STAT2: variants seen among roughly 807,000 people sequenced by gnomAD.
The protein encoded by STAT2 is signal transducer and activator of transcription 2.
In STAT2, 51 loss-of-function variants were observed where a neutral mutation model predicts 122.3. The ratio of observed to expected loss-of-function variants is 0.42; its 90% CI spans 0.33 to 0.53. STAT2 has a LOEUF of 0.53. Among genes scored for constraint, STAT2 ranks in the 20% least tolerant of loss-of-function variants. The pLI, the probability that STAT2 is intolerant of heterozygous loss-of-function variation, is 0.10. For missense variants in STAT2, 736 were observed against 1,010.3 expected (o/e 0.73, Z 3.68); for synonymous variants, 351 against 394.9 (o/e 0.89, Z 1.32).
chr12:56,342,075 T>A lies in STAT2; in HGVS notation c.*1314A>T, dbSNP rs1287958835. Reference sequence around the variant, plus strand: ...ACTCTGGGAGGCCGAGGTGGACAGATCACTTGAGGTCAGGAGTTCGAGACC... The same window carrying A: ...ACTCTGGGAGGCCGAGGTGGACAGAACACTTGAGGTCAGGAGTTCGAGACC... On this transcript the variant is annotated 3_prime_UTR_variant, in exon 24 of 24. Coordinates refer to ENST00000314128, the MANE Select transcript of STAT2 (RefSeq NM_005419.4). The A allele has an allele frequency of 2.0e-5, 3 of 151,958 alleles. No homozygotes were observed. The highest frequency in any genetic ancestry group is 4.4e-5 in the Non-Finnish European group (3 of 68,040). 9.4% of individuals were successfully genotyped at this position (151,958 alleles called of 1,614,324 possible). A position where few individuals can be genotyped will look rare whatever the true frequency, so the allele number is the denominator to read the frequency against.
rs2136027894 is a variant in STAT2, at chr12:56,341,865, ACAAC to A, written c.*1520_*1523del. ...ACAGACTTGGACTTTGTCCAGGTCC[ACAAC>A]CAACGAATAGAAACCTTCCTTTCAG... On this transcript the variant is annotated 3_prime_UTR_variant, in exon 24 of 24. Transcript: ENST00000314128. 6.6e-6 allele frequency: 1 copy of A among 152,370 alleles called. No homozygotes were observed. The highest frequency in any genetic ancestry group is 1.9e-4 in the East Asian group (1 of 5,188). The allele number at this position is 152,370 out of a possible 1,614,324, so 9.4% of individuals were successfully genotyped here. A position where few individuals can be genotyped will look rare whatever the true frequency, so the allele number is the denominator to read the frequency against.
chr12:56,344,128 C>T lies in STAT2; in HGVS notation c.2110G>A (p.Asp704Asn), dbSNP rs2136034212. The stretch of plus-strand genomic sequence containing the variant: ...AGCTCCAGCGGTTGTTGCAGTTCAT[C>T]CACCTGTCTGGATACCCAAAGACAG... ...RLIVVSNRQV[D>N]ELQQPLELKP... is the part of the protein sequence containing the mutation. The change falls in exon 23 of 24, where the codon GAT becomes AAT. Residue 704 changes from aspartate (D) to asparagine (N), a missense_variant. Asp to Asn is a conservative substitution (Grantham distance 23). Coordinates refer to ENST00000314128, the MANE Select transcript of STAT2 (RefSeq NM_005419.4). 6.4e-7 allele frequency: 1 copy of T among 1,553,512 alleles called. No homozygotes were observed. Among genetic ancestry groups the T allele is most frequent in the Non-Finnish European group, 8.7e-7 (1 of 1,146,806 alleles).
At chr12:56,358,333 C>T (rs1277044632) in intron 1 of STAT2, among the ~76,000 whole-genome samples, 1 of 151,222 alleles carries the variant, frequency 6.6e-6, no homozygotes, top group Non-Finnish European at 1.5e-5. Flanking sequence ...GCAAACTCTG[C>T]CTCCCGAGTT....
intron 1 of STAT2, among the ~76,000 whole-genome samples, 173 bp downstream of exon 1, chr12:56,359,885 A>C (rs1565663587): frequency 6.6e-6 from 1 of 152,078 alleles, no homozygotes; most frequent in African/African-American, 2.4e-5. Flanking sequence ...GGTTAGGGAG[A>C]TAGGCTGGAC....
rs1391401672 is a variant in STAT2, at chr12:56,346,828, G to A, written c.1852C>T (p.Gln618Ter). The change falls in exon 20 of 24, where the codon CAG becomes TAG. Residue 618 changes from glutamine (Q) to a stop codon, truncating the protein, a stop_gained. Transcript: ENST00000314128. LOFTEE classifies it high-confidence loss of function. ...GGITCSWVEH[Q>*]DDDKVLIYSV... The stretch of plus-strand genomic sequence containing the variant: ...GGGCAGAGCAGCTGACCATCATCCT[G>A]GTGCTCCACCCAGGAGCAGGTAATG... 3 of 1,614,064 alleles carry A rather than the reference G, an allele frequency of 1.9e-6. No homozygotes were observed. The African/African-American group carries it at 4.0e-5, about 22-fold the overall frequency.
At chr12:56,354,006 A>ATAT (rs1878995870) in intron 8 of STAT2, among the ~76,000 whole-genome samples, 1 of 22,006 alleles carries the variant, frequency 4.5e-5, no homozygotes. Flanking sequence ...AAAAAAAAAA[A>ATAT]AAAAAAAAAA....
At chr12:56,350,025 G>A (rs1878200969) in intron 13 of STAT2, 72 bp downstream of exon 13, 12 of 1,379,324 alleles carry the variant, frequency 8.7e-6, no homozygotes, top group Non-Finnish European at 1.2e-5. Context: ...CTCCAGCCTG[G>A]GGGACAGAGT....
chr12:56,344,962 C>G (rs1360845685), intron 22 of STAT2, among the ~76,000 whole-genome samples: 1 of 141,310 alleles, frequency 7.1e-6, no homozygotes, highest in Admixed American at 7.0e-5. Flanking sequence ...GAGCTGAGAT[C>G]GTGCCACTGC....
chr12:56,345,915 A>C (rs1040986256), intron 22 of STAT2, among the ~76,000 whole-genome samples: 5 of 151,928 alleles, frequency 3.3e-5, no homozygotes, highest in African/African-American at 1.2e-4. Flanking sequence ...GAGATAGGAG[A>C]GACTAGAACC....
chr12:56,354,384 G>A, intron 8 of STAT2, 82 bp downstream of exon 8: 3 of 1,587,492 alleles, frequency 1.9e-6, no homozygotes, highest in Non-Finnish European at 1.7e-6. Flanking sequence ...ATAGAGAACA[G>A]TATCTCTTGC....
Position 56,344,123 on chromosome 12 carries a change from T to C in STAT2, c.2115A>G (p.Glu705=). 4 of 1,555,296 alleles carry C rather than the reference T, an allele frequency of 2.6e-6. No homozygotes were observed. Among genetic ancestry groups the C allele is most frequent in the Non-Finnish European group, 3.5e-6 (4 of 1,147,906 alleles). The part of the protein sequence containing the change: ...LIVVSNRQVD[E]LQQPLELKPE... Reference sequence around the variant, plus strand: ...GCTTAAGCTCCAGCGGTTGTTGCAGTTCATCCACCTGTCTGGATACCCAAA... The same window carrying C: ...GCTTAAGCTCCAGCGGTTGTTGCAGCTCATCCACCTGTCTGGATACCCAAA... The change falls in exon 23 of 24, where the codon GAA becomes GAG. Residue 705 remains glutamate, a synonymous_variant. Transcript: ENST00000314128.
rs555379910 is a variant in STAT2 at position 56,341,678 on chromosome 12, A to G, written c.*1711T>C. 6.6e-6 allele frequency: 1 copy of G among 152,350 alleles called. No homozygotes were observed. Among genetic ancestry groups the G allele is most frequent in the African/African-American group, 2.4e-5 (1 of 41,580 alleles). The allele number at this position is 152,350 out of a possible 1,614,324, so 9.4% of individuals were successfully genotyped here. A position where few individuals can be genotyped will look rare whatever the true frequency, so the allele number is the denominator to read the frequency against. On this transcript the variant is annotated 3_prime_UTR_variant, in exon 24 of 24. Transcript: ENST00000314128. ...AACAGGACTGTTCCTCTGACATAAC[A>G]GACAAGAAACAGCCACCTGTGCAGG...
chr12:56,348,846 G>C (rs1167579471), intron 17 of STAT2, 42 bp from the exon 18 acceptor site: 1 of 1,614,170 alleles, frequency 6.2e-7, no homozygotes, highest in Non-Finnish European at 8.5e-7. Context: ...AGGGAAGCCA[G>C]GGGTCCTGGG....
At chr12:56,346,020 G>T in intron 22 of STAT2, 126 bp downstream of exon 22, 2 of 1,583,030 alleles carry the variant, frequency 1.3e-6, no homozygotes, top group East Asian at 4.5e-5. Context: ...TGTGGGAATG[G>T]CAGGGCAGAG....
chr12:56,355,802 G>A lies in STAT2; in HGVS notation c.287C>T (p.Pro96Leu). 6.2e-7 allele frequency: 1 copy of A among 1,613,556 alleles called. No individual in the cohort carries two copies. The highest frequency in any genetic ancestry group is 8.5e-7 in the Non-Finnish European group (1 of 1,179,572). ...CAACTGGGTAGGATCCTGGGAAAAG[G>A]GCTAGAATAGGTAAACAGAAAGGAT... Reference protein sequence around the residue: ...NLRKFCRDIQPFSQDPTQLAE... With the variant: ...NLRKFCRDIQLFSQDPTQLAE... Residue 96 changes from proline (P) to leucine (L), a missense_variant and splice_region_variant, in exon 4 of 24, where the codon CCC becomes CTC. By Grantham distance (98) the Pro-to-Leu change is moderately conservative. Transcript: ENST00000314128.
In STAT2 at chr12:56,359,324, C is replaced by T. The variant is rs1880014660; in HGVS notation, c.-8+734G>A. ...GGCATGATGGCTCATGCCTGTAATC[C>T]CAGCACTTTGTGAGGCCCACAAGAC... On this transcript the variant is annotated intron_variant, in intron 1 of 23. Coordinates refer to ENST00000314128, the MANE Select transcript of STAT2 (RefSeq NM_005419.4). 2.0e-5 allele frequency among the ~76,000 whole-genome samples: 3 copies of T among 151,936 alleles called. No individual in the cohort carries two copies. The South Asian group carries it at 6.2e-4, about 32-fold the overall frequency.
At chr12:56,355,886 A>C in intron 3 of STAT2, 83 bp from the exon 4 acceptor site, 1 of 1,425,028 alleles carries the variant, frequency 7.0e-7, no homozygotes, top group Non-Finnish European at 9.9e-7. Context: ...ACCAATGTCC[A>C]CAGTATTTCC....
At position 56,355,759 on chromosome 12, in the gene STAT2, G is replaced by A. The variant is rs1334089083; in HGVS notation, c.330C>T (p.Asn110=). 2 of 1,614,024 alleles carry A rather than the reference G, an allele frequency of 1.2e-6. No homozygotes were observed. The highest frequency in any genetic ancestry group is 2.7e-5 in the African/African-American group (2 of 74,898). Residue 110 remains asparagine (N), a synonymous_variant, in exon 4 of 24, where the codon AAC becomes AAT. Transcript: ENST00000314128. ...AAATTCTTTTTTCTTCCAGAAGGAG[G>A]TTAAAGATCATCTCAGCCAACTGGG... ...DPTQLAEMIF[N]LLLEEKRILI...
chr12:56,344,688 T>A (rs1312152313), intron 22 of STAT2, among the ~76,000 whole-genome samples: 1 of 151,898 alleles, frequency 6.6e-6, no homozygotes, highest in Non-Finnish European at 1.5e-5. Flanking sequence ...CTGGCCAACA[T>A]GGTGAAACCC....
Sources: allele counts gnomAD v4.1 joint callset (sites outside exome capture counted in the v4.1 genomes callset), GRCh38; gene constraint gnomAD v4.1.1; transcripts MANE v1.5; gene names NCBI Gene and HGNC (gene_info 2026-07-23, HGNC 2026-07-21).